The following MCM3AP variants were observed in gnomAD, a reference collection of about 807,000 sequenced individuals.
The protein encoded by MCM3AP is germinal-center associated nuclear protein.
MCM3AP carries 126 observed loss-of-function variants against 184.1 expected under a neutral mutation model. The observed-to-expected ratio is 0.68, with a 90% CI of 0.59 to 0.79. The LOEUF (loss-of-function observed/expected upper bound fraction) is 0.79. Among genes scored for constraint, MCM3AP ranks in the 30% least tolerant of loss-of-function variants. MCM3AP has a pLI of 0.00. For synonymous variants in MCM3AP, 1,002 were observed against 979.3 expected (o/e 1.02, Z -0.43); for missense variants, 2,496 against 2,479.2 (o/e 1.01, Z -0.14).
At chr21:46,279,747 G>A (rs543219181) in intron 4 of MCM3AP, among the ~76,000 whole-genome samples, 2 of 152,182 alleles carry the variant, frequency 1.3e-5, no homozygotes, top group Non-Finnish European at 2.9e-5. Flanking sequence ...TCTGCAGCTG[G>A]CAGTTACCAG....
chr21:46,262,607 T>C (rs1433145861), intron 13 of MCM3AP, among the ~76,000 whole-genome samples: 1 of 151,796 alleles, frequency 6.6e-6, no homozygotes, highest in Admixed American at 6.6e-5. Context: ...GTGATTGTGC[T>C]TCTGCACTCG....
Position 46,261,414 on chromosome 21 carries a change from A to C in MCM3AP, c.3336-3T>G, listed in dbSNP as rs764811409. 3.7e-6 allele frequency: 6 copies of C among 1,613,656 alleles called. No homozygotes were observed. Among genetic ancestry groups the C allele is most frequent in the Non-Finnish European group, 4.2e-6 (5 of 1,179,888 alleles). On this transcript the variant is annotated splice_polypyrimidine_tract_variant and splice_region_variant and intron_variant, in intron 13 of 27. Transcript: ENST00000291688. The stretch of plus-strand genomic sequence containing the variant: ...CCTCCATAGCAGCATTAGAAACACT[A>C]AACGGAGCAAAGGGGATAGCATTCA...
At chr21:46,263,808 A>AAAAAAAAAAAAAAC (rs2081072850) in intron 13 of MCM3AP, among the ~76,000 whole-genome samples, 1 of 140,904 alleles carries the variant, frequency 7.1e-6, no homozygotes, top group Non-Finnish European at 1.6e-5. Flanking sequence ...AAAAAAAAAA[A>AAAAAAAAAAAAAAC]AAAGATGACA....
At position 46,242,898 on chromosome 21, in the gene MCM3AP, T is replaced by C. The variant is rs1182113993; in HGVS notation, c.5330A>G (p.Tyr1777Cys). ...ALSEDGQICVYFFKNDLKKYD... is the reference protein window; with the variant it reads ...ALSEDGQICVCFFKNDLKKYD... ...TTTTTTCAAATCGTTTTTAAAAAAATACACACATATCTGACCATCTTCACT... is the reference window on the plus strand; with the variant it reads ...TTTTTTCAAATCGTTTTTAAAAAAACACACACATATCTGACCATCTTCACT... Residue 1777 changes from tyrosine (Y) to cysteine (C), a missense_variant, in exon 25 of 28, where the codon TAT becomes TGT. Tyr to Cys is a radical substitution (Grantham distance 194). Coordinates refer to ENST00000291688, the MANE Select transcript of MCM3AP (RefSeq NM_003906.5). The C allele has an allele frequency of 6.2e-7, 1 of 1,611,048 alleles. No homozygotes were observed. Among genetic ancestry groups the C allele is most frequent in the African/African-American group, 1.4e-5 (1 of 73,856 alleles).
Position 46,243,712 on chromosome 21 carries a change from G to A in MCM3AP, c.5049C>T (p.Leu1683=), listed in dbSNP as rs141001574. ...MDLPPLGAPW[L]PVCSMVVQYA... is the part of the protein sequence containing the mutation. ...ACTGGACAACCATGGAGCACACGGG[G>A]AGCCAGGGGGCTGGGGAGAAAGTGC... Residue 1683 remains leucine (L), a synonymous_variant, in exon 24 of 28, where the codon CTC becomes CTT. Transcript: ENST00000291688. 83 of 1,613,826 alleles carry A rather than the reference G, an allele frequency of 5.1e-5. No homozygotes were observed. Among genetic ancestry groups the A allele is most frequent in the Middle Eastern group, 1.6e-4 (1 of 6,084 alleles).
chr21:46,243,805 G>GCAACTGTGAAGTTGAGAAGT, intron 23 of MCM3AP, 83 bp from the exon 24 acceptor site: 1 of 1,416,360 alleles, frequency 7.1e-7, no homozygotes, highest in African/African-American at 1.4e-5. Context: ...TCAGGAGAAG[G>GCAACTGTGAAGTTGAGAAGT]CAACTGTGAA....
intron 2 of MCM3AP, among the ~76,000 whole-genome samples, chr21:46,281,902 G>A (rs1345427829): frequency 6.6e-6 from 1 of 152,088 alleles, no homozygotes; most frequent in African/African-American, 2.4e-5. Flanking sequence ...GGAGGCTGAG[G>A]GAGGAGAATC....
In MCM3AP at chr21:46,236,890, A is replaced by G. The variant is rs1348918559; in HGVS notation, c.5723T>C (p.Leu1908Pro). The part of the protein sequence containing the change: ...TSLPLYLPQT[L>P]VSLSHTIEPV... Reference sequence around the variant, plus strand: ...TTCAATAGTGTGAGAAAGAGACACTAGAGTCTGAGGAAGATAGAGGGGAAG... The same window carrying G: ...TTCAATAGTGTGAGAAAGAGACACTGGAGTCTGAGGAAGATAGAGGGGAAG... The change falls in exon 27 of 28, where the codon CTA becomes CCA. Residue 1908 changes from leucine (L) to proline (P), a missense_variant. By Grantham distance (98) the Leu-to-Pro change is moderately conservative. Around this residue, in one of 5 missense-constraint regions of MCM3AP, gnomAD observed 1,323 missense variants for 1,273.4 expected, o/e 1.04. Coordinates refer to ENST00000291688, the MANE Select transcript of MCM3AP (RefSeq NM_003906.5). The G allele has an allele frequency of 1.3e-6, 2 of 1,567,114 alleles. No individual in the cohort carries two copies. The highest frequency in any genetic ancestry group is 1.7e-6 in the Non-Finnish European group (2 of 1,161,706).
In MCM3AP at chr21:46,284,746, G is replaced by A. The variant is rs756797503; in HGVS notation, c.541C>T (p.Pro181Ser). ...IASGFFTFSH[P>S]ISSAPGGLAP... ...AGGCCTCCAGGTGCACTACTAATTG[G>A]GTGGGAAAATGTAAAAAACCCAGAA... Residue 181 changes from proline (P) to serine (S), a missense_variant, in exon 1 of 28, where the codon CCA becomes TCA. By Grantham distance (74) the Pro-to-Ser change is moderately conservative. This residue lies in a region of MCM3AP where 800 missense variants were observed against 717.1 expected (regional missense o/e 1.12). Transcript: ENST00000291688. 1 of 1,613,858 alleles carries A rather than the reference G, an allele frequency of 6.2e-7. No individual in the cohort carries two copies. The highest frequency in any genetic ancestry group is 8.5e-7 in the Non-Finnish European group (1 of 1,179,966).
In MCM3AP at chr21:46,236,815, T is replaced by A. The variant is rs764365369; in HGVS notation, c.5784+14A>T. On this transcript the variant is annotated intron_variant, in intron 27 of 27. Coordinates refer to ENST00000291688, the MANE Select transcript of MCM3AP (RefSeq NM_003906.5). The stretch of plus-strand genomic sequence containing the variant: ...AATTCTTATGTAAATGCCAAATGTA[T>A]ACGTTCTTCTCACCTGTGGGCTAGT... The A allele has an allele frequency of 6.6e-7, 1 of 1,523,536 alleles. No homozygotes were observed. 94.4% of individuals were successfully genotyped at this position (1,523,536 alleles called of 1,614,324 possible).
In MCM3AP at chr21:46,254,798, G is replaced by A. The variant is rs138596054; in HGVS notation, c.3979C>T (p.His1327Tyr). 22 of 1,613,956 alleles carry A rather than the reference G, an allele frequency of 1.4e-5. No homozygotes were observed. The highest frequency in any genetic ancestry group is 1.9e-5 in the Non-Finnish European group (22 of 1,179,996). Residue 1327 changes from histidine to tyrosine, a missense_variant, in exon 18 of 28, where the codon CAC (histidine) becomes TAC (tyrosine). His to Tyr is a moderately conservative substitution (Grantham distance 83, BLOSUM62 2). Around this residue, in one of 5 missense-constraint regions of MCM3AP, gnomAD observed 1,323 missense variants for 1,273.4 expected, o/e 1.04. Transcript: ENST00000291688. Reference sequence around the variant, plus strand: ...GACCTCAGCAGCTGCTGGTAGAAGTGCTGAACCTTCATCTGGTGAGCTGTC... The same window carrying A: ...GACCTCAGCAGCTGCTGGTAGAAGTACTGAACCTTCATCTGGTGAGCTGTC... ...NKTAHQMKVQ[H>Y]FYQQLLSDVA...
At chr21:46,280,626 G>C (rs747775754) in intron 2 of MCM3AP, 51 bp from the exon 3 acceptor site, 2 of 1,293,976 alleles carry the variant, frequency 1.5e-6, no homozygotes, top group African/African-American at 1.5e-5. Context: ...GAAACCAAAG[G>C]AAATGGGATT....
At chr21:46,278,450 A>T (rs1442016846) in intron 4 of MCM3AP, among the ~76,000 whole-genome samples, 1 of 152,198 alleles carries the variant, frequency 6.6e-6, no homozygotes, top group Non-Finnish European at 1.5e-5. Flanking sequence ...GAAAGTGAGG[A>T]AAATACATTG....
At chr21:46,282,390 T>C (rs1340618035) in intron 2 of MCM3AP, among the ~76,000 whole-genome samples, 1 of 152,154 alleles carries the variant, frequency 6.6e-6, no homozygotes, top group African/African-American at 2.4e-5. Flanking sequence ...CTTTATAAAT[T>C]TATACTTTAT....
rs767925684 is a variant in MCM3AP, at chr21:46,246,671, C to A, written c.4506G>T (p.Val1502=). The change falls in exon 21 of 28, where the codon GTG becomes GTT. Residue 1502 remains valine (V), a synonymous_variant. Transcript: ENST00000291688. ...CAACGGCGTCCCCTCCTGGGCTAGGCACAAGAACCACCAGAGGAAGCGCAG... is the reference window on the plus strand; with the variant it reads ...CAACGGCGTCCCCTCCTGGGCTAGGAACAAGAACCACCAGAGGAAGCGCAG... ...FQPALPLVVL[V]PSPGGDAVEK... The A allele has an allele frequency of 6.2e-7, 1 of 1,614,088 alleles. No homozygotes were observed. The highest frequency in any genetic ancestry group is 8.5e-7 in the Non-Finnish European group (1 of 1,179,894).
chr21:46,265,273 G>C, intron 12 of MCM3AP, 48 bp downstream of exon 12: 1 of 1,570,734 alleles, frequency 6.4e-7, no homozygotes, highest in Non-Finnish European at 8.7e-7. Flanking sequence ...GGACGTTTGC[G>C]CACAATGGGC....
chr21:46,245,261 A>C lies in MCM3AP; in HGVS notation c.4648-64T>G, dbSNP rs999650469. The stretch of plus-strand genomic sequence containing the variant: ...TGTTTTTCAAAAACAGCTTTCTGAA[A>C]GGGCTTGATCCCCCAAGGTTGCCCA... On this transcript the variant is annotated intron_variant, in intron 22 of 27. Transcript: ENST00000291688. The C allele has an allele frequency of 3.3e-6, 5 of 1,501,350 alleles. No homozygotes were observed. In the African/African-American group the frequency reaches 7.0e-5, roughly 21 times the overall value. 93.0% of individuals were successfully genotyped at this position (1,501,350 alleles called of 1,614,324 possible).
Position 46,256,923 on chromosome 21 carries a change from CG to C in MCM3AP, c.3797del (p.Ala1266GlyfsTer7). ...GGTCGCTCACGTCCACGCAGCAGGGCGCAGCAGGGAAAGCCCGCATTTGGCG... is the reference window on the plus strand; with the variant it reads ...GGTCGCTCACGTCCACGCAGCAGGGCCAGCAGGGAAAGCCCGCATTTGGCG... Reference protein sequence around the residue: ...LRRQMRAFPAAPCCVDVSDRL... With the variant: ...LRRQMRAFPAXPCCVDVSDRL... On this transcript the variant is annotated frameshift_variant, in exon 17 of 28. Coordinates refer to ENST00000291688, the MANE Select transcript of MCM3AP (RefSeq NM_003906.5). LOFTEE classifies it high-confidence loss of function. 6.2e-7 allele frequency: 1 copy of C among 1,611,526 alleles called. No homozygotes were observed. Among genetic ancestry groups the C allele is most frequent in the Non-Finnish European group, 8.5e-7 (1 of 1,178,982 alleles).
chr21:46,284,447 C>A lies in MCM3AP; in HGVS notation c.840G>T (p.Gln280His). ...VRQGCEEAVS[Q>H]VEPLPSLMKG... ...TCATTAGGCTGGGAAGTGGTTCCAC[C>A]TGGGAAACAGCTTCTTCACACCCCT... is the stretch of plus-strand genomic sequence containing the variant. The change falls in exon 1 of 28, where the codon CAG (glutamine) becomes CAT (histidine). Residue 280 changes from glutamine (Q) to histidine (H), a missense_variant. By Grantham distance (24) the Gln-to-His change is conservative (BLOSUM62 0). Coordinates refer to ENST00000291688, the MANE Select transcript of MCM3AP (RefSeq NM_003906.5). 6.2e-7 allele frequency: 1 copy of A among 1,614,136 alleles called. No individual in the cohort carries two copies. The highest frequency in any genetic ancestry group is 8.5e-7 in the Non-Finnish European group (1 of 1,180,022).
Sources: allele counts gnomAD v4.1 joint callset (sites outside exome capture counted in the v4.1 genomes callset), GRCh38; gene constraint gnomAD v4.1.1; regional missense constraint gnomAD v4.1.1; transcripts MANE v1.5; gene names NCBI Gene and HGNC (gene_info 2026-07-23, HGNC 2026-07-21).